Variants in PRIM2 observed in about 807,000 individuals in gnomAD.
The protein encoded by PRIM2 is DNA primase large subunit.
Under a neutral mutation model 67.3 loss-of-function variants are expected in PRIM2, and 39 were observed. The observed-to-expected ratio is 0.58, with a 90% CI of 0.45 to 0.76. PRIM2 has a LOEUF of 0.76. Among genes scored for constraint, PRIM2 ranks in the 30% least tolerant of loss-of-function variants. The pLI, the probability that PRIM2 is intolerant of heterozygous loss-of-function variation, is 0.00. For missense variants in PRIM2, 398 were observed against 598.7 expected (o/e 0.66, Z 3.50); for synonymous variants, 143 against 198.7 (o/e 0.72, Z 2.36).
At chr6:57,277,709 G>T in the PRIM2 span, among the ~76,000 whole-genome samples, 3 of 152,132 alleles carry the variant, frequency 2.0e-5, no homozygotes, top group East Asian at 5.8e-4. Flanking sequence ...GCCAGGCGCG[G>T]TGGCTTCATG....
chr6:57,564,501 T>A (rs1172424556), intron 10 of PRIM2, among the ~76,000 whole-genome samples: 13 of 152,336 alleles, frequency 8.5e-5, no homozygotes, highest in East Asian at 3.9e-4. Flanking sequence ...AATAGTAATA[T>A]GAAATTATAA....
intron 10 of PRIM2, among the ~76,000 whole-genome samples, chr6:57,597,739 T>C (rs1474686435): frequency 6.6e-6 from 1 of 152,238 alleles, no homozygotes. Flanking sequence ...GTGTTGCTCT[T>C]AGTATGAGCC....
chr6:57,271,682 T>A, the PRIM2 span, among the ~76,000 whole-genome samples: 1 of 152,326 alleles, frequency 6.6e-6, no homozygotes, highest in African/African-American at 2.4e-5. Flanking sequence ...TTTGAATGTG[T>A]TTGCTCTTGC....
chr6:57,377,215 C>G (rs1466577970), intron 5 of PRIM2, among the ~76,000 whole-genome samples: 5 of 152,074 alleles, frequency 3.3e-5, no homozygotes, highest in African/African-American at 1.2e-4. Context: ...ATCCAGAAAC[C>G]TGACTCAATT....
At chr6:57,609,395 A>T (rs1174997695) in intron 12 of PRIM2, among the ~76,000 whole-genome samples, 1 of 152,206 alleles carries the variant, frequency 6.6e-6, no homozygotes, top group Non-Finnish European at 1.5e-5. Flanking sequence ...GCTGGAGAGT[A>T]AAGGGGTTAT....
chr6:57,422,002 A>T (rs77950914), intron 7 of PRIM2, among the ~76,000 whole-genome samples: 7,152 of 152,196 alleles, frequency 0.047, 313 homozygotes, highest in African/African-American at 0.11. Flanking sequence ...ACAAGACTGG[A>T]TCTTGACTGT....
intron 13 of PRIM2, among the ~76,000 whole-genome samples, 164 bp downstream of exon 13, chr6:57,632,365 A>G (rs1777050657): frequency 6.6e-6 from 1 of 152,100 alleles, no homozygotes; most frequent in Non-Finnish European, 1.5e-5. Context: ...CGACCAGACA[A>G]CTAAGCTTGG....
intron 5 of PRIM2, among the ~76,000 whole-genome samples, chr6:57,331,507 A>G (rs897033985): frequency 6.6e-6 from 1 of 152,166 alleles, no homozygotes; most frequent in South Asian, 2.1e-4. Flanking sequence ...GGTAGAATTT[A>G]CCAGTGAATT....
chr6:57,445,996 G>T (rs1772351688), intron 7 of PRIM2, among the ~76,000 whole-genome samples: 1 of 152,220 alleles, frequency 6.6e-6, no homozygotes, highest in Non-Finnish European at 1.5e-5. Context: ...TCTGTTGGTG[G>T]AGTGAGGCTC....
chr6:57,537,493 G>A lies in PRIM2; in HGVS notation c.888G>A (p.Arg296=). 1 of 1,541,480 alleles carries A rather than the reference G, an allele frequency of 6.5e-7. No individual in the cohort carries two copies. Among genetic ancestry groups the A allele is most frequent in the South Asian group, 1.2e-5 (1 of 86,452 alleles). The change falls in exon 10 of 14, where the codon CGG becomes CGA. Residue 296 remains arginine, a synonymous_variant. Coordinates refer to ENST00000615550, the MANE Select transcript of PRIM2 (RefSeq NM_000947.5). ...PCMRQLHKAL[R]ENHHLRHGGR... is the part of the protein sequence containing the mutation. ...TGCGTCAGTTACATAAAGCCTTGCG[G>A]GAAAATCACCATCTTCGTCATGGAG... is the stretch of plus-strand genomic sequence containing the variant.
chr6:57,287,929 G>T, the PRIM2 span, among the ~76,000 whole-genome samples: 10 of 152,166 alleles, frequency 6.6e-5, no homozygotes, highest in Non-Finnish European at 1.3e-4. Flanking sequence ...TGGTTGGATG[G>T]TGGGTGCAGC....
intron 11 of PRIM2, among the ~76,000 whole-genome samples, chr6:57,601,430 A>C (rs1344699070): frequency 5.3e-5 from 8 of 152,200 alleles, no homozygotes; most frequent in Non-Finnish European, 1.2e-4. Flanking sequence ...ATTCAGCTGC[A>C]CTTCAGTTTG....
chr6:57,614,739 A>G (rs1776724012), intron 12 of PRIM2, among the ~76,000 whole-genome samples: 1 of 152,240 alleles, frequency 6.6e-6, no homozygotes, highest in African/African-American at 2.4e-5. Flanking sequence ...AGTCCCAGCT[A>G]CTTGGGAGGC....
At chr6:57,380,318 T>A (rs1012081914) in intron 6 of PRIM2, among the ~76,000 whole-genome samples, 8 of 152,198 alleles carry the variant, frequency 5.3e-5, no homozygotes, top group African/African-American at 1.9e-4. Context: ...ATCACCCATT[T>A]GGCCCAACAC....
chr6:57,225,220 A>G, the PRIM2 span, among the ~76,000 whole-genome samples: 1 of 152,208 alleles, frequency 6.6e-6, no homozygotes, highest in Non-Finnish European at 1.5e-5. Context: ...CATATGAAAT[A>G]AACCTTTTCT....
At chr6:57,418,554 G>A (rs1264061034) in intron 7 of PRIM2, among the ~76,000 whole-genome samples, 1 of 150,588 alleles carries the variant, frequency 6.6e-6, no homozygotes, top group African/African-American at 2.5e-5. Flanking sequence ...GTGCCACCAC[G>A]CCCAGCTAAT....
upstream of PRIM2, among the ~76,000 whole-genome samples, chr6:57,315,657 T>G (rs1767466507): frequency 6.6e-6 from 1 of 152,186 alleles, no homozygotes; most frequent in Non-Finnish European, 1.5e-5. Context: ...CTTAGGATTT[T>G]TTTCCTAATG....
chr6:57,282,994 T>C, the PRIM2 span, among the ~76,000 whole-genome samples: 1 of 151,960 alleles, frequency 6.6e-6, no homozygotes, highest in Non-Finnish European at 1.5e-5. Flanking sequence ...TTTCTAGTAC[T>C]CTCACTCTTC....
chr6:57,553,755 T>A (rs1775451907), intron 10 of PRIM2, among the ~76,000 whole-genome samples: 1 of 152,206 alleles, frequency 6.6e-6, no homozygotes, highest in African/African-American at 2.4e-5. Context: ...TCTTTAGAGT[T>A]TCAAGGGTGT....
Sources: gnomAD v4.1 joint callset for allele counts (sites outside exome capture counted in the v4.1 genomes callset) on GRCh38, gnomAD v4.1.1 for gene constraint, MANE v1.5 for transcripts, NCBI Gene and HGNC (gene_info 2026-07-23, HGNC 2026-07-21) for gene names.